The following MYLK3 variants were observed in gnomAD, a reference collection of about 807,000 sequenced individuals.
The protein encoded by MYLK3 is MLC kinase.
A neutral mutation model predicts 76.3 loss-of-function variants in MYLK3; 55 were observed. The ratio of observed to expected loss-of-function variants is 0.72; its 90% CI spans 0.58 to 0.90. MYLK3 has a LOEUF of 0.90. MYLK3 is among the 40% of genes least tolerant of loss of function. The pLI, the probability that MYLK3 is intolerant of heterozygous loss-of-function variation, is 0.00. For missense variants in MYLK3, 973 were observed against 1,053.6 expected, an observed-to-expected ratio of 0.92 and a Z score of 1.06; for synonymous variants, 416 against 425.4, an observed-to-expected ratio of 0.98 and a Z score of 0.27.
chr16:46,757,257 C>T (rs571941102), intron 1 of MYLK3, among the ~76,000 whole-genome samples: 1 of 152,340 alleles, frequency 6.6e-6, no homozygotes, highest in East Asian at 1.9e-4. Context: ...CCAAGCTGAC[C>T]ATCCCCAAAC....
intron 9 of MYLK3, among the ~76,000 whole-genome samples, chr16:46,714,481 C>T (rs414928): frequency 2.6e-5 from 4 of 151,952 alleles, no homozygotes; most frequent in South Asian, 2.1e-4. Context: ...GACTGGGCCT[C>T]GGGGGGCAAG....
At chr16:46,762,082 G>T (rs1967283226) in intron 1 of MYLK3, among the ~76,000 whole-genome samples, 1 of 152,210 alleles carries the variant, frequency 6.6e-6, no homozygotes, top group Non-Finnish European at 1.5e-5. Context: ...GTTCTTCCAA[G>T]GCCTCTCATT....
rs756659689 is a variant in MYLK3 at position 46,747,724 on chromosome 16, G to A, written c.470C>T (p.Pro157Leu). The A allele has an allele frequency of 5.0e-6, 8 of 1,613,226 alleles. No homozygotes were observed. Among genetic ancestry groups the A allele is most frequent in the Non-Finnish European group, 5.9e-6 (7 of 1,179,654 alleles). ...PWRRGSPGDS[P>L]EENKERVEEE... ...AGGGAAGCAGGAACCAACCTCCTCA[G>A]GGCTGTCACCTGGGCTGCCTCTCCT... Residue 157 changes from proline (P) to leucine (L), a missense_variant, in exon 1 of 13, where the codon CCT (proline) becomes CTT (leucine). Pro to Leu is a moderately conservative substitution (Grantham distance 98). Transcript: ENST00000394809.
At chr16:46,717,746 A>C (rs909192881) in intron 9 of MYLK3, among the ~76,000 whole-genome samples, 7 of 152,200 alleles carry the variant, frequency 4.6e-5, no homozygotes, top group African/African-American at 1.7e-4. Context: ...AATCAAACCC[A>C]TCCCCTCTCA....
At chr16:46,726,653 AG>A (rs1195056583) in intron 8 of MYLK3, 1 of 58,216 alleles carries the variant, frequency 1.7e-5, no homozygotes, top group African/African-American at 4.4e-5. Context: ...AAAGAAAGAA[AG>A]AAGAAAGAAA....
intron 8 of MYLK3, among the ~76,000 whole-genome samples, chr16:46,721,657 C>A (rs908344242): frequency 2.3e-4 from 35 of 152,184 alleles, no homozygotes; most frequent in African/African-American, 8.2e-4. Flanking sequence ...CGTGAGCCAC[C>A]ATGTCCAGCT....
At chr16:46,730,500 T>A (rs558270634) in intron 5 of MYLK3, 93 bp downstream of exon 5, 1 of 1,019,828 alleles carries the variant, frequency 9.8e-7, no homozygotes, top group African/African-American at 1.6e-5. Flanking sequence ...GAGAGAGTCA[T>A]CCTGCAGCAC....
chr16:46,759,511 A>T (rs1326620426), intron 1 of MYLK3, among the ~76,000 whole-genome samples: 1 of 152,270 alleles, frequency 6.6e-6, no homozygotes, highest in Non-Finnish European at 1.5e-5. Flanking sequence ...ACAGGCAAGT[A>T]AACTGAGGCA....
At chr16:46,732,178 C>T (rs781614392) in intron 4 of MYLK3, 30 bp downstream of exon 4, 12 of 1,529,722 alleles carry the variant, frequency 7.8e-6, no homozygotes, top group South Asian at 7.4e-5. Context: ...CCTCAGGGCT[C>T]GTGTCTAGCC....
At chr16:46,747,403 G>T (rs748158998) in intron 1 of MYLK3, among the ~76,000 whole-genome samples, 62 of 152,218 alleles carry the variant, frequency 4.1e-4, no homozygotes, top group Non-Finnish European at 8.1e-4. Flanking sequence ...AGTCACGGGG[G>T]TGTCAGAGAA....
At position 46,747,718 on chromosome 16, in the gene MYLK3, T is replaced by C. The variant is rs1366983073; in HGVS notation, c.476A>G (p.Glu159Gly). ...CAGGGCAGGGAAGCAGGAACCAACC[T>C]CCTCAGGGCTGTCACCTGGGCTGCC... ...RRGSPGDSPE[E>G]NKERVEEEGG... The change falls in exon 1 of 13, where the codon GAG becomes GGG. Residue 159 changes from glutamate (E) to glycine (G), a missense_variant and splice_region_variant. This residue lies in a region of MYLK3 where 641 missense variants were observed against 637.0 expected (regional missense o/e 1.01). Transcript: ENST00000394809. The C allele has an allele frequency of 1.9e-5, 30 of 1,609,360 alleles. No individual in the cohort carries two copies. The highest frequency in any genetic ancestry group is 2.5e-5 in the Non-Finnish European group (30 of 1,176,822).
intron 1 of MYLK3, chr16:46,762,907 A>C: frequency 3.2e-6 from 2 of 619,862 alleles, no homozygotes; most frequent in Non-Finnish European, 4.0e-6. Flanking sequence ...CTTGCAACCA[A>C]GAGCTGCTCA....
intron 1 of MYLK3, among the ~76,000 whole-genome samples, chr16:46,741,886 T>A (rs553499079): frequency 3.1e-4 from 47 of 151,912 alleles, no homozygotes; most frequent in Non-Finnish European, 5.9e-4. Context: ...TCCTCTCACC[T>A]CAGCCTCACG....
intron 10 of MYLK3, among the ~76,000 whole-genome samples, chr16:46,711,431 G>T (rs533987111): frequency 6.6e-6 from 1 of 152,162 alleles, no homozygotes; most frequent in Non-Finnish European, 1.5e-5. Context: ...GAGCACAGGG[G>T]TTCAATGATG....
chr16:46,752,360 G>A (rs1370996979), upstream of MYLK3, among the ~76,000 whole-genome samples: 2 of 152,068 alleles, frequency 1.3e-5, no homozygotes, highest in Non-Finnish European at 2.9e-5. Context: ...TCAGCCTCCT[G>A]CATAACTGGG....
chr16:46,755,740 C>T (rs562650598), intron 1 of MYLK3, among the ~76,000 whole-genome samples: 1 of 152,178 alleles, frequency 6.6e-6, no homozygotes, highest in African/African-American at 2.4e-5. Context: ...ATAATAATAA[C>T]ACATACCCTC....
intron 1 of MYLK3, among the ~76,000 whole-genome samples, chr16:46,760,405 C>T (rs1390201524): frequency 2.6e-5 from 4 of 152,238 alleles, no homozygotes; most frequent in Non-Finnish European, 5.9e-5. Context: ...GCCCTGTGCT[C>T]AGCACCTTAG....
In MYLK3 at chr16:46,727,375, A is replaced by G; in HGVS notation, c.1775T>C (p.Val592Ala). The G allele has an allele frequency of 6.2e-7, 1 of 1,606,058 alleles. No homozygotes were observed. Among genetic ancestry groups the G allele is most frequent in the Non-Finnish European group, 8.5e-7 (1 of 1,173,658 alleles). ...KHSCTLVMEY[V>A]DGGELFDRIT... ...CCGGTCGAAGAGCTCACCCCCGTCC[A>G]CGCTGCCAGAGCAAAGGGAGAGGCA... is the stretch of plus-strand genomic sequence containing the variant. The change falls in exon 8 of 13, where the codon GTG (valine) becomes GCG (alanine). Residue 592 changes from valine to alanine, a missense_variant and splice_region_variant. By Grantham distance (64) the Val-to-Ala change is moderately conservative (BLOSUM62 0). This residue lies in a region of MYLK3 where 332 missense variants were observed against 416.6 expected (regional missense o/e 0.80). Coordinates refer to ENST00000394809, the MANE Select transcript of MYLK3 (RefSeq NM_182493.3).
chr16:46,734,448 T>C (rs539076521), intron 3 of MYLK3, among the ~76,000 whole-genome samples: 1 of 152,282 alleles, frequency 6.6e-6, no homozygotes, highest in East Asian at 1.9e-4. Flanking sequence ...AGTCCATCTC[T>C]ACTAAAAATA....
Sources: allele counts gnomAD v4.1 joint callset (sites outside exome capture counted in the v4.1 genomes callset), GRCh38; gene constraint gnomAD v4.1.1; regional missense constraint gnomAD v4.1.1; transcripts MANE v1.5; gene names NCBI Gene and HGNC (gene_info 2026-07-23, HGNC 2026-07-21).